Variants in PTPRG observed in about 807,000 individuals in gnomAD.
PTPRG encodes receptor-type tyrosine-protein phosphatase gamma.
In PTPRG, 102 loss-of-function variants were observed where a neutral mutation model predicts 165.3. That is an observed-to-expected ratio of 0.62 (90% CI 0.53 to 0.73). PTPRG has a LOEUF of 0.73. PTPRG is among the 30% of genes least tolerant of loss of function. The pLI, the probability that PTPRG is intolerant of heterozygous loss-of-function variation, is 0.00. For synonymous variants in PTPRG, 675 were observed against 669.5 expected (o/e 1.01, Z -0.13); for missense variants, 1,866 against 1,861.4 (o/e 1.00, Z -0.05).
intron 3 of PTPRG, among the ~76,000 whole-genome samples, chr3:61,999,402 G>A (rs886771834): frequency 1.6e-4 from 24 of 152,048 alleles, no homozygotes; most frequent in Admixed American, 5.2e-4. Context: ...CACCCTCATG[G>A]CCTAATCACC....
chr3:61,946,004 C>T (rs2107615127), intron 2 of PTPRG, among the ~76,000 whole-genome samples: 1 of 152,302 alleles, frequency 6.6e-6, no homozygotes, highest in East Asian at 1.9e-4. Context: ...TTCATTCATT[C>T]ATTTTTTTTC....
intron 1 of PTPRG, among the ~76,000 whole-genome samples, chr3:61,598,915 A>G (rs1398020984): frequency 2.0e-5 from 3 of 152,020 alleles, no homozygotes; most frequent in Non-Finnish European, 4.4e-5. Flanking sequence ...TCTGTGTCCA[A>G]GTTTCTCCTT....
At chr3:61,777,373 C>T (rs2034417886) in intron 2 of PTPRG, among the ~76,000 whole-genome samples, 2 of 152,126 alleles carry the variant, frequency 1.3e-5, no homozygotes, top group African/African-American at 4.8e-5. Flanking sequence ...CCATATTGTA[C>T]AGCAAAGGCA....
chr3:61,596,699 A>G (rs1050914254), intron 1 of PTPRG, among the ~76,000 whole-genome samples: 2 of 152,092 alleles, frequency 1.3e-5, no homozygotes, highest in Admixed American at 6.6e-5. Context: ...CTAGTTTGTA[A>G]TTGTTTCCTT....
chr3:61,878,597 C>T (rs114011120), intron 2 of PTPRG, among the ~76,000 whole-genome samples: 92 of 152,246 alleles, frequency 6.0e-4, no homozygotes, highest in African/African-American at 2.2e-3. Context: ...AGGCTCAAGC[C>T]ATCCTCCTGC....
intron 1 of PTPRG, among the ~76,000 whole-genome samples, chr3:61,566,917 G>C (rs1487061566): frequency 1.3e-5 from 2 of 152,192 alleles, no homozygotes; most frequent in African/African-American, 4.8e-5. Flanking sequence ...TGCAATATGC[G>C]TACATTCTGA....
At chr3:61,862,009 T>A (rs145981865) in intron 2 of PTPRG, among the ~76,000 whole-genome samples, 62 of 152,096 alleles carry the variant, frequency 4.1e-4, no homozygotes, top group African/African-American at 1.4e-3. Context: ...AATACAGGGG[T>A]CTCCAACTCC....
chr3:61,836,875 G>A (rs759719069), intron 2 of PTPRG, among the ~76,000 whole-genome samples: 2 of 151,380 alleles, frequency 1.3e-5, no homozygotes, highest in African/African-American at 2.4e-5. Context: ...CTCCCTAGTA[G>A]CTGGGACTAC....
chr3:61,836,890 A>ATG, intron 2 of PTPRG, among the ~76,000 whole-genome samples: 1 of 149,550 alleles, frequency 6.7e-6, no homozygotes, highest in African/African-American at 2.5e-5. Flanking sequence ...GACTACAGGC[A>ATG]CACGCCACCA....
At chr3:61,854,582 AC>A (rs777480318) in intron 2 of PTPRG, among the ~76,000 whole-genome samples, 15 of 152,190 alleles carry the variant, frequency 9.9e-5, no homozygotes, top group Non-Finnish European at 1.6e-4. Flanking sequence ...TATTAGGGAA[AC>A]TGTACTGGTG....
chr3:61,866,668 C>T (rs1047460388), intron 2 of PTPRG, among the ~76,000 whole-genome samples: 2 of 125,900 alleles, frequency 1.6e-5, no homozygotes, highest in Non-Finnish European at 3.2e-5. Context: ...GGTACGGTAT[C>T]AGCTCACTGC....
intron 1 of PTPRG, among the ~76,000 whole-genome samples, chr3:61,733,266 T>G: frequency 6.6e-6 from 1 of 152,202 alleles, no homozygotes; most frequent in East Asian, 1.9e-4. Flanking sequence ...TAACTAAATC[T>G]TCATGATTCA....
intron 16 of PTPRG, among the ~76,000 whole-genome samples, chr3:62,257,197 T>A (rs892542476): frequency 1.1e-4 from 17 of 152,170 alleles, no homozygotes; most frequent in African/African-American, 4.1e-4. Flanking sequence ...ACTGTCACCT[T>A]ATAATTAGGT....
Position 62,157,130 on chromosome 3 carries a change from A to G in PTPRG, c.746A>G (p.Tyr249Cys). The part of the protein sequence containing the change: ...RDLLPASLGS[Y>C]YRYTGSLTTP... ...CTCCTGCCTGCATCCCTGGGCAGCT[A>G]TTATCGGTACACAGGTTCCTTGACC... is the stretch of plus-strand genomic sequence containing the variant. Residue 249 changes from tyrosine to cysteine, a missense_variant, in exon 7 of 30, where the codon TAT becomes TGT. By Grantham distance (194) the Tyr-to-Cys change is radical (BLOSUM62 -2). Coordinates refer to ENST00000474889, the MANE Select transcript of PTPRG (RefSeq NM_002841.4). 3.7e-6 allele frequency: 6 copies of G among 1,612,720 alleles called. No homozygotes were observed. The highest frequency in any genetic ancestry group is 5.1e-6 in the Non-Finnish European group (6 of 1,178,808).
chr3:61,845,123 C>G (rs1362306459), intron 2 of PTPRG, among the ~76,000 whole-genome samples: 1 of 152,162 alleles, frequency 6.6e-6, no homozygotes, highest in African/African-American at 2.4e-5. Context: ...CCCCAGCAAC[C>G]TACCTTAAGC....
At chr3:61,886,504 A>C (rs542823528) in intron 2 of PTPRG, among the ~76,000 whole-genome samples, 15 of 152,150 alleles carry the variant, frequency 9.9e-5, no homozygotes, top group African/African-American at 3.6e-4. Context: ...GTTGAAGGAT[A>C]TTGATGTCTG....
Position 62,168,565 on chromosome 3 carries a change from C to G in PTPRG, c.1033+402C>G, listed in dbSNP as rs544873234. Among the ~76,000 whole-genome samples, 3 of 152,270 alleles carry G rather than the reference C, an allele frequency of 2.0e-5. No homozygotes were observed. The East Asian group carries it at 5.8e-4, about 30-fold the overall frequency. On this transcript the variant is annotated intron_variant, in intron 8 of 29. Coordinates refer to ENST00000474889, the MANE Select transcript of PTPRG (RefSeq NM_002841.4). ...ACTCCCCGCTTTGAAGGACATGCAACAGGAATGTGGCTCATCTGTTCAGTC... is the reference window on the plus strand; with the variant it reads ...ACTCCCCGCTTTGAAGGACATGCAAGAGGAATGTGGCTCATCTGTTCAGTC...
At chr3:61,830,865 C>T (rs919050967) in intron 2 of PTPRG, among the ~76,000 whole-genome samples, 10 of 152,304 alleles carry the variant, frequency 6.6e-5, no homozygotes, top group South Asian at 2.1e-4. Context: ...TGGGCCACTG[C>T]GCCCTGCCGA....
At chr3:61,731,303 AG>A (rs1203810092) in intron 1 of PTPRG, among the ~76,000 whole-genome samples, 1 of 151,134 alleles carries the variant, frequency 6.6e-6, no homozygotes, top group African/African-American at 2.4e-5. Flanking sequence ...GAACATTAGT[AG>A]GGAGTATGCC....
Sources: gnomAD v4.1 joint callset for allele counts (sites outside exome capture counted in the v4.1 genomes callset) on GRCh38, gnomAD v4.1.1 for gene constraint, MANE v1.5 for transcripts, NCBI Gene and HGNC (gene_info 2026-07-23, HGNC 2026-07-21) for gene names.